SLC10A7: variants seen among roughly 807,000 people sequenced by gnomAD.
SLC10A7 encodes the protein sodium/bile acid cotransporter 7.
Under a neutral mutation model 43.2 loss-of-function variants are expected in SLC10A7, and 29 were observed. That is an observed-to-expected ratio of 0.67 (90% CI 0.50 to 0.92). The LOEUF (loss-of-function observed/expected upper bound fraction) is 0.92. Ranked by LOEUF, SLC10A7 falls within the 40% of genes least tolerant of loss-of-function variation. The pLI, the probability that SLC10A7 is intolerant of heterozygous loss-of-function variation, is 0.00. For synonymous variants in SLC10A7, 152 were observed against 144.8 expected (o/e 1.05, Z -0.35); for missense variants, 295 against 403.2 (o/e 0.73, Z 2.30).
chr4:146,304,424 C>T (rs1731394407), intron 7 of SLC10A7, among the ~76,000 whole-genome samples: 1 of 151,966 alleles, frequency 6.6e-6, no homozygotes, highest in Non-Finnish European at 1.5e-5. Flanking sequence ...GCTTTGAATG[C>T]ATCCCAGAGA....
chr4:146,256,947 G>C, intron 11 of SLC10A7: 1 of 1,515,684 alleles, frequency 6.6e-7, no homozygotes, highest in Admixed American at 2.0e-5. Flanking sequence ...CTACACAAAG[G>C]AAAAATGAAC....
intron 5 of SLC10A7, among the ~76,000 whole-genome samples, chr4:146,429,125 T>C (rs1476734062): frequency 1.3e-5 from 2 of 152,156 alleles, no homozygotes; most frequent in Non-Finnish European, 2.9e-5. Context: ...TATAAGGCAA[T>C]ATAAATTTCT....
rs571794297 is a variant in SLC10A7, at chr4:146,442,178, T to G, written c.435+605A>C. 174 of 971,760 alleles carry G rather than the reference T, an allele frequency of 1.8e-4. 1 individual carries two copies. In the African/African-American group the frequency reaches 3.0e-3, roughly 17 times the overall value. 60.2% of individuals were successfully genotyped at this position (971,760 alleles called of 1,614,324 possible). A position where few individuals can be genotyped will look rare whatever the true frequency, so the allele number is the denominator to read the frequency against. On this transcript the variant is annotated intron_variant, in intron 5 of 11. Coordinates refer to ENST00000335472, the MANE Select transcript of SLC10A7 (RefSeq NM_001029998.6). Reference sequence around the variant, plus strand: ...TTTATTTAAAAATAATGATTAAAAATGCTAAAACAACGTCCTTATATTGGT... The same window carrying G: ...TTTATTTAAAAATAATGATTAAAAAGGCTAAAACAACGTCCTTATATTGGT...
At chr4:146,296,789 T>G (rs989233859) in intron 7 of SLC10A7, among the ~76,000 whole-genome samples, 1 of 152,180 alleles carries the variant, frequency 6.6e-6, no homozygotes, top group Non-Finnish European at 1.5e-5. Flanking sequence ...CGTTAAAATG[T>G]TTCATAAACA....
chr4:146,477,037 T>C (rs1734087848), intron 4 of SLC10A7, among the ~76,000 whole-genome samples: 1 of 152,196 alleles, frequency 6.6e-6, no homozygotes. Context: ...GAAACAAAGA[T>C]ATAAATCAAT....
At chr4:146,280,374 C>G (rs1256526467) in intron 10 of SLC10A7, among the ~76,000 whole-genome samples, 1 of 152,142 alleles carries the variant, frequency 6.6e-6, no homozygotes, top group Non-Finnish European at 1.5e-5. Context: ...ATGAAGTCCT[C>G]ATACTCCTTG....
chr4:146,261,561 G>A (rs1728225138), intron 10 of SLC10A7, among the ~76,000 whole-genome samples: 1 of 152,104 alleles, frequency 6.6e-6, no homozygotes. Flanking sequence ...GACCCTGGTT[G>A]CCCTCTTCTT....
rs1736600337 is a variant in SLC10A7 at position 146,503,431 on chromosome 4, A to G, written c.396+418T>C. Among the ~76,000 whole-genome samples, 4 of 152,334 alleles carry G rather than the reference A, an allele frequency of 2.6e-5. No individual in the cohort carries two copies. The South Asian group carries it at 8.3e-4, about 32-fold the overall frequency. On this transcript the variant is annotated intron_variant, in intron 4 of 11. Coordinates refer to ENST00000335472, the MANE Select transcript of SLC10A7 (RefSeq NM_001029998.6). Reference sequence around the variant, plus strand: ...ACCTAACCTAATTTCTTCTTTTTATATCATCCTCACTTGCCATTAAACATA... The same window carrying G: ...ACCTAACCTAATTTCTTCTTTTTATGTCATCCTCACTTGCCATTAAACATA...
chr4:146,412,137 T>C (rs890726976), intron 5 of SLC10A7, among the ~76,000 whole-genome samples: 1 of 139,864 alleles, frequency 7.1e-6, no homozygotes, highest in Non-Finnish European at 1.5e-5. Context: ...TCTTTTATCT[T>C]CACTCTGTCC....
intron 4 of SLC10A7, among the ~76,000 whole-genome samples, chr4:146,452,445 A>G (rs1039172439): frequency 6.6e-6 from 1 of 152,160 alleles, no homozygotes; most frequent in Non-Finnish European, 1.5e-5. Flanking sequence ...TTGATCTTCA[A>G]TTAAATATGA....
At chr4:146,521,573 C>T in intron 1 of SLC10A7, 45 bp downstream of exon 1, 1 of 1,540,950 alleles carries the variant, frequency 6.5e-7, no homozygotes, top group Non-Finnish European at 8.9e-7. Context: ...CAAATTAGTT[C>T]TGAAGTGGGA....
chr4:146,446,426 A>C (rs1308575225), intron 4 of SLC10A7, among the ~76,000 whole-genome samples: 1 of 152,068 alleles, frequency 6.6e-6, no homozygotes, highest in Non-Finnish European at 1.5e-5. Flanking sequence ...AAATACAAAA[A>C]TTAGCCAGGC....
intron 2 of SLC10A7, 119 bp from the exon 3 acceptor site, chr4:146,510,168 AT>A: frequency 1.2e-6 from 1 of 856,848 alleles, no homozygotes; most frequent in Non-Finnish European, 1.7e-6. Flanking sequence ...CATAGCTAAA[AT>A]TTTTATCTAT....
At chr4:146,357,898 C>T (rs1735769365) in intron 5 of SLC10A7, among the ~76,000 whole-genome samples, 1 of 151,940 alleles carries the variant, frequency 6.6e-6, no homozygotes, top group South Asian at 2.1e-4. Flanking sequence ...GGTCAAGTAA[C>T]CCGAAAAAGA....
rs549182913 is a variant in SLC10A7, at chr4:146,394,895, G to A, written c.435+47888C>T. ...ATAATTTCTATTCCTAAAAACTCAT[G>A]CCTTTTTAGAAATACATGACCTTTG... On this transcript the variant is annotated intron_variant, in intron 5 of 11. Transcript: ENST00000335472. Among the ~76,000 whole-genome samples, 6 of 152,140 alleles carry A rather than the reference G, an allele frequency of 3.9e-5. No individual in the cohort carries two copies. In the South Asian group the frequency reaches 6.2e-4, roughly 16 times the overall value.
intron 5 of SLC10A7, among the ~76,000 whole-genome samples, chr4:146,365,469 A>G (rs1168362278): frequency 6.6e-6 from 1 of 152,218 alleles, no homozygotes; most frequent in Non-Finnish European, 1.5e-5. Context: ...GTTTACCTCT[A>G]CTTAAAGCAC....
chr4:146,473,154 A>G (rs1733722709), intron 4 of SLC10A7, among the ~76,000 whole-genome samples: 2 of 152,234 alleles, frequency 1.3e-5, no homozygotes, highest in African/African-American at 4.8e-5. Context: ...GTTCCCATAA[A>G]GCAGAAACCT....
At chr4:146,494,711 C>G (rs932834336) in intron 4 of SLC10A7, among the ~76,000 whole-genome samples, 1 of 152,136 alleles carries the variant, frequency 6.6e-6, no homozygotes, top group African/African-American at 2.4e-5. Context: ...TTCTGTGTCT[C>G]TCTAAGACCA....
chr4:146,430,200 A>T (rs75693043), intron 5 of SLC10A7, among the ~76,000 whole-genome samples: 8,584 of 152,110 alleles, frequency 0.056, 292 homozygotes, highest in Admixed American at 0.085. Flanking sequence ...GGAATGAAAG[A>T]CACTGGATGG....
Sources: allele counts gnomAD v4.1 joint callset (sites outside exome capture counted in the v4.1 genomes callset), GRCh38; gene constraint gnomAD v4.1.1; transcripts MANE v1.5; gene names NCBI Gene and HGNC (gene_info 2026-07-23, HGNC 2026-07-21).